The following VTI1B variants were observed in gnomAD, a reference collection of about 807,000 sequenced individuals.
The protein encoded by VTI1B is vesicle transport through interaction with t-SNAREs homolog 1B.
Under a neutral mutation model 28.6 loss-of-function variants are expected in VTI1B, and 18 were observed. That is an observed-to-expected ratio of 0.63 (90% CI 0.43 to 0.93). The LOEUF is 0.93. Among genes scored for constraint, VTI1B ranks in the 40% least tolerant of loss-of-function variants. The pLI is 0.00. For missense variants in VTI1B, 283 were observed against 297.0 expected (o/e 0.95, Z 0.35); for synonymous variants, 100 against 107.9 (o/e 0.93, Z 0.46).
At chr14:67,659,562 G>C (rs1282284073) in intron 3 of VTI1B, among the ~76,000 whole-genome samples, 169 bp downstream of exon 3, 1 of 151,342 alleles carries the variant, frequency 6.6e-6, no homozygotes, top group Non-Finnish European at 1.5e-5. Flanking sequence ...AAATAGAGCA[G>C]ATACCAAGGG....
intron 3 of VTI1B, 143 bp downstream of exon 3, chr14:67,659,588 T>C: frequency 1.3e-6 from 1 of 790,686 alleles, no homozygotes; most frequent in Non-Finnish European, 1.9e-6. Flanking sequence ...AGGAACTGGA[T>C]GCAGAAAAGA....
chr14:67,656,275 A>G, intron 4 of VTI1B, 141 bp downstream of exon 4: 3 of 832,754 alleles, frequency 3.6e-6, no homozygotes, highest in Non-Finnish European at 5.0e-6. Context: ...ATAAATAAAA[A>G]TTGAGAAAAG....
intron 1 of VTI1B, among the ~76,000 whole-genome samples, chr14:67,668,322 A>G (rs11629282): frequency 0.22 from 33,248 of 152,180 alleles, 4,377 homozygotes; most frequent in Non-Finnish European, 0.31. Context: ...AATTATGGCC[A>G]TAGGTATTTA....
chr14:67,659,969 C>T, intron 2 of VTI1B, 47 bp from the exon 3 acceptor site: 2 of 1,571,362 alleles, frequency 1.3e-6, no homozygotes, highest in Non-Finnish European at 1.7e-6. Flanking sequence ...TCTTCCCTCA[C>T]TCATTTGGAA....
chr14:67,658,456 G>T (rs571153667), intron 3 of VTI1B, among the ~76,000 whole-genome samples: 2 of 152,240 alleles, frequency 1.3e-5, no homozygotes, highest in South Asian at 2.1e-4. Flanking sequence ...AATTAGCCGG[G>T]CGTGGTGGTG....
rs181160988 is a variant in VTI1B at position 67,672,045 on chromosome 14, G to A, written c.115+2330C>T. Among the ~76,000 whole-genome samples the A allele has an allele frequency of 2.4e-4, 37 of 152,062 alleles. 1 individual carries two copies. The highest frequency in any genetic ancestry group is 2.4e-3 in the Admixed American group (36 of 15,274). ...TCAATTTTCTATTTTTCAAAGCAAT[G>A]TTCTTTTGCATTATTTAGACTTATA... On this transcript the variant is annotated intron_variant, in intron 1 of 5. Coordinates refer to ENST00000554659, the MANE Select transcript of VTI1B (RefSeq NM_006370.3).
rs74457936 is a variant in VTI1B at position 67,655,891 on chromosome 14, T to C, written c.540+525A>G. Among the ~76,000 whole-genome samples the C allele has an allele frequency of 3.2e-3, 491 of 152,284 alleles. 16 individuals are homozygous for C. In the East Asian group the frequency reaches 0.08, roughly 25 times the overall value. On this transcript the variant is annotated intron_variant, in intron 4 of 5. Transcript: ENST00000554659. The stretch of plus-strand genomic sequence containing the variant: ...TCACTGAAGCAAAAATTTCCAGTGA[T>C]GTCTAAATCTTAGGGGTAAAATTGC...
Position 67,651,323 on chromosome 14 carries a change from T to C in VTI1B, c.*62A>G. 1 of 1,610,530 alleles carries C rather than the reference T, an allele frequency of 6.2e-7. No homozygotes were observed. The highest frequency in any genetic ancestry group is 8.5e-7 in the Non-Finnish European group (1 of 1,177,956). ...CAGCAATATGCTTATTCTATCCACA[T>C]CCCTAACATCATGCATTCACAAGGT... is the stretch of plus-strand genomic sequence containing the variant. On this transcript the variant is annotated 3_prime_UTR_variant, in exon 6 of 6. Coordinates refer to ENST00000554659, the MANE Select transcript of VTI1B (RefSeq NM_006370.3).
At chr14:67,664,212 T>C (rs1404533789) in intron 1 of VTI1B, among the ~76,000 whole-genome samples, 3 of 152,168 alleles carry the variant, frequency 2.0e-5, no homozygotes, top group Non-Finnish European at 4.4e-5. Flanking sequence ...ATTCACACCG[T>C]TGTGGAGCCA....
At chr14:67,667,143 A>G (rs964745346) in intron 1 of VTI1B, among the ~76,000 whole-genome samples, 66 of 152,306 alleles carry the variant, frequency 4.3e-4, no homozygotes, top group African/African-American at 1.5e-3. Context: ...GACATGGAGT[A>G]AAATGGAAAC....
At chr14:67,655,120 G>C (rs1474425563) in intron 4 of VTI1B, among the ~76,000 whole-genome samples, 1 of 150,500 alleles carries the variant, frequency 6.6e-6, no homozygotes, top group Non-Finnish European at 1.5e-5. Flanking sequence ...TGGAATGATT[G>C]CTTGAGCCCA....
chr14:67,657,526 C>G (rs974722745), intron 3 of VTI1B, among the ~76,000 whole-genome samples: 1 of 152,034 alleles, frequency 6.6e-6, no homozygotes, highest in Non-Finnish European at 1.5e-5. Flanking sequence ...CCTTGTCAGG[C>G]CAGAATTAAC....
chr14:67,673,509 C>T (rs2037495606), intron 1 of VTI1B, among the ~76,000 whole-genome samples: 1 of 152,140 alleles, frequency 6.6e-6, no homozygotes, highest in Non-Finnish European at 1.5e-5. Context: ...CTGTAATTTG[C>T]AATATTCACC....
Position 67,659,722 on chromosome 14 carries a change from A to G in VTI1B, c.366+9T>C. 6.3e-7 allele frequency: 1 copy of G among 1,583,284 alleles called. No individual in the cohort carries two copies. Among genetic ancestry groups the G allele is most frequent in the Non-Finnish European group, 8.6e-7 (1 of 1,167,694 alleles). On this transcript the variant is annotated intron_variant, in intron 3 of 5. Transcript: ENST00000554659. ...GAAAAAAAAAACAAACAAAACAGCT[A>G]AAACTTACCATATGCTCATTCTCTA...
At chr14:67,657,618 ACACACC>A (rs763700992) in intron 3 of VTI1B, among the ~76,000 whole-genome samples, 6,057 of 150,910 alleles carry the variant, frequency 0.04, 291 homozygotes, top group African/African-American at 0.12. Flanking sequence ...ACACACACAC[ACACACC>A]CAAAATCAAA....
intron 4 of VTI1B, among the ~76,000 whole-genome samples, chr14:67,655,169 G>A (rs532886697): frequency 1.6e-4 from 25 of 151,646 alleles, no homozygotes; most frequent in Non-Finnish European, 3.2e-4. Flanking sequence ...ATGAGACCCC[G>A]TTTTTACAAA....
chr14:67,664,600 G>A (rs1450621811), intron 1 of VTI1B, among the ~76,000 whole-genome samples: 1 of 151,490 alleles, frequency 6.6e-6, no homozygotes, highest in African/African-American at 2.4e-5. Context: ...AGGTTCAAGC[G>A]ATTCTCTTGC....
chr14:67,662,189 A>AC (rs2037345801), intron 2 of VTI1B, among the ~76,000 whole-genome samples: 1 of 152,064 alleles, frequency 6.6e-6, no homozygotes, highest in South Asian at 2.1e-4. Context: ...CAAAAAAAAA[A>AC]ACAACAGATT....
chr14:67,653,561 C>T (rs1044135055), intron 4 of VTI1B, 63 bp from the exon 5 acceptor site: 2 of 1,447,694 alleles, frequency 1.4e-6, no homozygotes. Flanking sequence ...AATTGAATAT[C>T]CCTAGATTAA....
Sources: allele counts gnomAD v4.1 joint callset (sites outside exome capture counted in the v4.1 genomes callset), GRCh38; gene constraint gnomAD v4.1.1; transcripts MANE v1.5; gene names NCBI Gene and HGNC (gene_info 2026-07-23, HGNC 2026-07-21).